The following POU3F3 variants were observed in gnomAD, a reference collection of about 807,000 sequenced individuals.
POU3F3 encodes POU domain, class 3, transcription factor 3.
In POU3F3, 1 loss-of-function variant was observed where a neutral mutation model predicts 8.6. The observed-to-expected ratio is 0.12, with a 90% confidence interval of 0.04 to 0.55. POU3F3 has a LOEUF of 0.55. POU3F3 is among the 20% of genes least tolerant of loss of function. The pLI is 0.91. For missense variants in POU3F3, 577 were observed against 690.7 expected, an observed-to-expected ratio of 0.84 and a Z score of 1.84; for synonymous variants, 418 against 327.4, an observed-to-expected ratio of 1.28 and a Z score of -2.99.
the POU3F3 span, among the ~76,000 whole-genome samples, chr2:104,922,265 A>T: frequency 6.6e-6 from 1 of 152,138 alleles, no homozygotes; most frequent in Admixed American, 6.5e-5. Context: ...ATCATAAGGC[A>T]TACAAAGAAA....
the POU3F3 span, among the ~76,000 whole-genome samples, chr2:104,872,752 A>G: frequency 3.9e-5 from 6 of 152,164 alleles, no homozygotes; most frequent in Non-Finnish European, 7.4e-5. This position sits in a 1 kb window ranked among gnomAD's most constrained non-coding sequence, Gnocchi z 4.6. Flanking sequence ...GGCACAAAAG[A>G]AGGTCTCCGC....
chr2:104,888,279 ATAT>A, the POU3F3 span, among the ~76,000 whole-genome samples: 4 of 152,366 alleles, frequency 2.6e-5, no homozygotes, highest in African/African-American at 9.6e-5. Flanking sequence ...AAGGTCTAAC[ATAT>A]TAGTTTCTGT....
chr2:104,867,169 C>G, the POU3F3 span: 3 of 152,224 alleles, frequency 2.0e-5, no homozygotes, highest in African/African-American at 7.2e-5. The surrounding 1 kb of genome is among the most constrained non-coding windows in gnomAD (Gnocchi z 5.0). Context: ...CAGCATCGCC[C>G]CAATACTGCA....
Position 104,857,522 on chromosome 2 carries a change from C to T in POU3F3, c.*509C>T, listed in dbSNP as rs1199939678. ...GACAGCACCTGCCTCGTCTTCTCCT[C>T]TTTGAAAAAAAGAGAGAGAGAGAGT... On this transcript the variant is annotated 3_prime_UTR_variant, in exon 1 of 1. Transcript: ENST00000361360. 6.5e-6 allele frequency: 1 copy of T among 153,486 alleles called. No homozygotes were observed. The highest frequency in any genetic ancestry group is 1.5e-5 in the Non-Finnish European group (1 of 67,974). 9.5% of individuals were successfully genotyped at this position (153,486 alleles called of 1,614,324 possible).
the POU3F3 span, among the ~76,000 whole-genome samples, chr2:104,864,245 T>G: frequency 6.6e-6 from 1 of 152,216 alleles, no homozygotes; most frequent in South Asian, 2.1e-4. Context: ...CCGGCTTCGC[T>G]TCTGAAGCTG....
At chr2:104,900,489 C>T in the POU3F3 span, among the ~76,000 whole-genome samples, 4 of 152,198 alleles carry the variant, frequency 2.6e-5, no homozygotes, top group East Asian at 7.7e-4. Context: ...AGAAAATACG[C>T]TTTAAATATG....
At chr2:104,859,596 G>A (rs1464540348), downstream of POU3F3, among the ~76,000 whole-genome samples, 4 of 152,088 alleles carry the variant, frequency 2.6e-5, no homozygotes, top group South Asian at 2.1e-4. Context: ...TAAAAAACCC[G>A]GAAAACTGTG....
chr2:104,905,263 A>T, the POU3F3 span, among the ~76,000 whole-genome samples: 1 of 152,190 alleles, frequency 6.6e-6, no homozygotes, highest in African/African-American at 2.4e-5. Flanking sequence ...TCATTCTATT[A>T]TAAGAGTAAT....
chr2:104,883,605 T>C, the POU3F3 span, among the ~76,000 whole-genome samples: 3 of 152,200 alleles, frequency 2.0e-5, no homozygotes, highest in African/African-American at 4.8e-5. Context: ...TCTCTTCTTT[T>C]AGCACCTGGG....
chr2:104,875,718 T>C, the POU3F3 span, among the ~76,000 whole-genome samples: 1 of 152,200 alleles, frequency 6.6e-6, no homozygotes, highest in Non-Finnish European at 1.5e-5. Context: ...GTTTTTGTTT[T>C]GTTTTGTTTT....
chr2:104,894,962 A>G, the POU3F3 span, among the ~76,000 whole-genome samples: 2 of 151,392 alleles, frequency 1.3e-5, no homozygotes, highest in East Asian at 3.9e-4. Flanking sequence ...TAACTGTACT[A>G]TTTTCCTGAG....
chr2:104,868,960 G>A, the POU3F3 span, among the ~76,000 whole-genome samples: 1 of 152,188 alleles, frequency 6.6e-6, no homozygotes. Flanking sequence ...GAGACTTGCT[G>A]ACGTGAACAA....
rs1368789777 is a variant in POU3F3, at chr2:104,856,424, T to TCAA, written c.917_919dup (p.Asn306dup). 51 of 1,606,664 alleles carry TCAA rather than the reference T, an allele frequency of 3.2e-5. No individual in the cohort carries two copies. The highest frequency in any genetic ancestry group is 4.2e-5 in the Non-Finnish European group (50 of 1,177,622). On this transcript the variant is annotated inframe_insertion, in exon 1 of 1. Coordinates refer to ENST00000361360, the MANE Select transcript of POU3F3 (RefSeq NM_006236.3). ...GGCGGCGGCGGCGCGGGGCCTGGAC[T>TCAA]CAACAGCCACGACCCGCACTCGGAC...
At chr2:104,912,177 C>T in the POU3F3 span, among the ~76,000 whole-genome samples, 1 of 152,270 alleles carries the variant, frequency 6.6e-6, no homozygotes, top group Non-Finnish European at 1.5e-5. Context: ...AGAGCAGTGC[C>T]GAGTTTGTTC....
chr2:104,891,596 AG>A, the POU3F3 span, among the ~76,000 whole-genome samples: 2 of 152,256 alleles, frequency 1.3e-5, no homozygotes, highest in African/African-American at 4.8e-5. Flanking sequence ...AATCCTGAAG[AG>A]GGGCTTCGGT....
At chr2:104,895,705 C>T in the POU3F3 span, among the ~76,000 whole-genome samples, 1 of 152,198 alleles carries the variant, frequency 6.6e-6, no homozygotes, top group Admixed American at 6.5e-5. Context: ...CTTTCCACTT[C>T]CTATGCCCCT....
At chr2:104,889,840 TC>T in the POU3F3 span, among the ~76,000 whole-genome samples, 1 of 152,240 alleles carries the variant, frequency 6.6e-6, no homozygotes, top group Non-Finnish European at 1.5e-5. Context: ...AGGAAGAAGT[TC>T]AACATGCCTA....
the POU3F3 span, among the ~76,000 whole-genome samples, chr2:104,882,241 G>T: frequency 1.5e-5 from 2 of 131,144 alleles, no homozygotes; most frequent in Non-Finnish European, 3.2e-5. Flanking sequence ...AAGAAAACCT[G>T]AATTTTTTTT....
chr2:104,892,948 G>A, the POU3F3 span, among the ~76,000 whole-genome samples: 96 of 152,076 alleles, frequency 6.3e-4, no homozygotes, highest in East Asian at 0.018. Context: ...CTGTACCAAG[G>A]CCTGTACAAT....
Sources: gnomAD v4.1 joint callset for allele counts (sites outside exome capture counted in the v4.1 genomes callset) on GRCh38, gnomAD v4.1.1 for gene constraint, Gnocchi (gnomAD v3.1) non-coding constraint, MANE v1.5 for transcripts, NCBI Gene and HGNC (gene_info 2026-07-23, HGNC 2026-07-21) for gene names.